The following AGMO variants were observed in gnomAD, a reference collection of about 807,000 sequenced individuals.
The protein encoded by AGMO is alkylglycerol monooxygenase.
In AGMO, 75 loss-of-function variants were observed where a neutral mutation model predicts 60.2. The ratio of observed to expected loss-of-function variants is 1.25; its 90% CI spans 1.03 to 1.51. AGMO has a LOEUF of 1.51. Among genes scored for constraint, AGMO ranks in the 40% most tolerant of loss-of-function variants. The pLI, the probability that AGMO is intolerant of heterozygous loss-of-function variation, is 0.00. For missense variants in AGMO, 763 were observed against 525.5 expected (o/e 1.45, Z -4.42); for synonymous variants, 261 against 177.1 (o/e 1.47, Z -3.76).
At chr7:15,377,412 A>T (rs1783497967) in intron 10 of AGMO, among the ~76,000 whole-genome samples, 1 of 152,046 alleles carries the variant, frequency 6.6e-6, no homozygotes, top group Admixed American at 6.6e-5. Context: ...AGAAATCTTG[A>T]GAAAACCATG....
At chr7:15,189,413 A>G in the AGMO span, among the ~76,000 whole-genome samples, 10 of 152,290 alleles carry the variant, frequency 6.6e-5, no homozygotes, top group Admixed American at 2.6e-4. Flanking sequence ...AGAGCTGGAA[A>G]GAAACTCAAC....
At chr7:15,555,314 C>T (rs1785104370) in intron 2 of AGMO, among the ~76,000 whole-genome samples, 3 of 147,892 alleles carry the variant, frequency 2.0e-5, no homozygotes, top group African/African-American at 7.6e-5. Flanking sequence ...CACACACACA[C>T]ACACACACAC....
At chr7:15,229,217 T>C (rs545531652) in intron 12 of AGMO, among the ~76,000 whole-genome samples, 3 of 152,054 alleles carry the variant, frequency 2.0e-5, no homozygotes, top group African/African-American at 7.2e-5. Flanking sequence ...CTCTTCACTT[T>C]GGGATCAAAT....
intron 3 of AGMO, among the ~76,000 whole-genome samples, chr7:15,488,718 C>G (rs962598069): frequency 6.6e-6 from 1 of 151,976 alleles, no homozygotes; most frequent in South Asian, 2.1e-4. Flanking sequence ...TTATCACAAA[C>G]TATTCCTAAG....
chr7:15,312,039 G>A (rs951867771), intron 12 of AGMO, among the ~76,000 whole-genome samples: 2 of 151,592 alleles, frequency 1.3e-5, no homozygotes, highest in Admixed American at 6.6e-5. Flanking sequence ...GCATCACTGG[G>A]AGAAAAAAAT....
intron 12 of AGMO, among the ~76,000 whole-genome samples, chr7:15,319,026 T>A (rs985003268): frequency 6.6e-6 from 1 of 152,162 alleles, no homozygotes. Flanking sequence ...AAGTTGATTA[T>A]TGCCAAACTC....
chr7:15,177,285 G>T, the AGMO span, among the ~76,000 whole-genome samples: 1 of 151,840 alleles, frequency 6.6e-6, no homozygotes, highest in African/African-American at 2.4e-5. Flanking sequence ...TGAAAAAGAT[G>T]TTTCTTTGTT....
chr7:15,421,536 G>A (rs1201743221), intron 4 of AGMO, among the ~76,000 whole-genome samples: 1 of 152,170 alleles, frequency 6.6e-6, no homozygotes, highest in Non-Finnish European at 1.5e-5. Context: ...GAGAGATAAA[G>A]TACATGCAAC....
Position 15,273,113 on chromosome 7 carries a change from C to G in AGMO, c.1264-71754G>C, listed in dbSNP as rs1228522646. The stretch of plus-strand genomic sequence containing the variant: ...TCTGATGGTGGTTTCTTTTGCTGTG[C>G]AGAAGCTCTTTAGTTTAATTAGATC... On this transcript the variant is annotated intron_variant, in intron 12 of 12. Transcript: ENST00000342526. 2.6e-5 allele frequency among the ~76,000 whole-genome samples: 4 copies of G among 152,264 alleles called. No homozygotes were observed. In the East Asian group the frequency reaches 7.7e-4, roughly 29 times the overall value.
chr7:15,195,497 C>G (rs966110130), downstream of AGMO, among the ~76,000 whole-genome samples: 6 of 152,130 alleles, frequency 3.9e-5, no homozygotes, highest in Non-Finnish European at 8.8e-5. Context: ...TCACTCCACC[C>G]TAATCTTTTT....
Position 15,354,314 on chromosome 7 carries a change from G to GTGTATATACACACGCGTCTATACACACA in AGMO, c.1263+11199_1263+11200insTGTGTGTATAGACGCGTGTGTATATACA, listed in dbSNP as rs551527948. Among the ~76,000 whole-genome samples the GTGTATATACACACGCGTCTATACACACA allele has an allele frequency of 4.6e-5, 3 of 64,770 alleles. 1 individual carries two copies. The highest frequency in any genetic ancestry group is 3.9e-4 in the Admixed American group (3 of 7,608). 42.5% of individuals were successfully genotyped at this position (64,770 alleles called of 152,430 possible). A position where few individuals can be genotyped will look rare whatever the true frequency, so the allele number is the denominator to read the frequency against. ...GATAAATATATATACGTGTATACAC[G>GTGTATATACACACGCGTCTATACACACA]CGTGTATATACGTACGCGTGTATAT... On this transcript the variant is annotated intron_variant, in intron 12 of 12. Transcript: ENST00000342526.
chr7:15,136,433 C>G, the AGMO span, among the ~76,000 whole-genome samples: 3 of 152,116 alleles, frequency 2.0e-5, no homozygotes, highest in Non-Finnish European at 4.4e-5. Context: ...GTATTTACAC[C>G]CACATTCCTT....
chr7:15,181,806 T>C, the AGMO span, among the ~76,000 whole-genome samples: 1 of 152,190 alleles, frequency 6.6e-6, no homozygotes, highest in African/African-American at 2.4e-5. Context: ...TTTTACTGCA[T>C]TGATTGATAG....
chr7:15,149,594 G>T, the AGMO span, among the ~76,000 whole-genome samples: 1 of 151,882 alleles, frequency 6.6e-6, no homozygotes, highest in African/African-American at 2.4e-5. Flanking sequence ...GCTTACTATT[G>T]TCCATTTTGT....
chr7:15,545,624 C>T (rs1243228464), intron 2 of AGMO, among the ~76,000 whole-genome samples: 1 of 151,984 alleles, frequency 6.6e-6, no homozygotes, highest in Non-Finnish European at 1.5e-5. Context: ...GTAAGGTATA[C>T]AAACCTAATT....
At chr7:15,402,112 T>G (rs201661531) in intron 5 of AGMO, among the ~76,000 whole-genome samples, 1 of 152,224 alleles carries the variant, frequency 6.6e-6, no homozygotes, top group South Asian at 2.1e-4. Context: ...GAGAAAGATA[T>G]GCTTAAAATG....
intron 12 of AGMO, among the ~76,000 whole-genome samples, chr7:15,207,992 A>G (rs935993755): frequency 1.3e-5 from 2 of 152,204 alleles, no homozygotes; most frequent in Admixed American, 1.3e-4. Flanking sequence ...ATTTACCACA[A>G]CTAACACACA....
chr7:15,373,230 A>G (rs1050285049), intron 10 of AGMO, among the ~76,000 whole-genome samples: 2 of 151,880 alleles, frequency 1.3e-5, no homozygotes, highest in Non-Finnish European at 2.9e-5. Context: ...GTGAGCTGAG[A>G]TGGCACCACA....
rs559613228 is a variant in AGMO at position 15,267,529 on chromosome 7, G to A, written c.1264-66170C>T. On this transcript the variant is annotated intron_variant, in intron 12 of 12. Transcript: ENST00000342526. The stretch of plus-strand genomic sequence containing the variant: ...CATTCAATATTTTACTTATGTTCAC[G>A]ACAGTCATTCAGGGACAAATTGGAT... Among the ~76,000 whole-genome samples, 9 of 151,922 alleles carry A rather than the reference G, an allele frequency of 5.9e-5. No homozygotes were observed. In the South Asian group the frequency reaches 1.5e-3, roughly 25 times the overall value.
Sources: allele counts gnomAD v4.1 joint callset (sites outside exome capture counted in the v4.1 genomes callset), GRCh38; gene constraint gnomAD v4.1.1; transcripts MANE v1.5; gene names NCBI Gene and HGNC (gene_info 2026-07-23, HGNC 2026-07-21).